The following ABAT variants were observed in gnomAD, a reference collection of about 807,000 sequenced individuals.
The protein encoded by ABAT is 4-aminobutyrate aminotransferase.
ABAT carries 45 observed loss-of-function variants against 64.6 expected under a neutral mutation model. The observed-to-expected ratio is 0.70, with a 90% CI of 0.55 to 0.89. ABAT has a LOEUF of 0.89. Among genes scored for constraint, ABAT ranks in the 40% least tolerant of loss-of-function variants. The pLI, the probability that ABAT is intolerant of heterozygous loss-of-function variation, is 0.00. For synonymous variants in ABAT, 297 were observed against 250.5 expected (o/e 1.19, Z -1.75); for missense variants, 633 against 658.4 (o/e 0.96, Z 0.42).
At chr16:8,720,323 C>G (rs770590260) in intron 1 of ABAT, among the ~76,000 whole-genome samples, 1 of 152,228 alleles carries the variant, frequency 6.6e-6, no homozygotes, top group African/African-American at 2.4e-5. Context: ...TATGGCCCAG[C>G]CACACTTTAG....
At chr16:8,774,118 G>A (rs1009025170) in intron 12 of ABAT, among the ~76,000 whole-genome samples, 7 of 152,066 alleles carry the variant, frequency 4.6e-5, no homozygotes, top group African/African-American at 1.4e-4. Flanking sequence ...CAGTAGAGAC[G>A]GGGTTTCGCC....
intron 5 of ABAT, among the ~76,000 whole-genome samples, chr16:8,756,231 G>A (rs970761203): frequency 1.3e-5 from 2 of 152,144 alleles, no homozygotes; most frequent in African/African-American, 4.8e-5. Flanking sequence ...AAGAAGAGGG[G>A]AGGGGAAGGA....
At position 8,776,348 on chromosome 16, in the gene ABAT, A is replaced by C. The variant is rs1567317509; in HGVS notation, c.1127A>C (p.Tyr376Ser). The C allele has an allele frequency of 4.3e-6, 7 of 1,614,084 alleles. No homozygotes were observed. Among genetic ancestry groups the C allele is most frequent in the Non-Finnish European group, 5.9e-6 (7 of 1,180,016 alleles). ...HKEEFRPNAPYRIFNTWLGDP... is the reference protein window; with the variant it reads ...HKEEFRPNAPSRIFNTWLGDP... ...AACACCCGTTCCTCATTCCAGCCCT[A>C]CCGGATCTTCAACACCTGGCTGGGG... The change falls in exon 14 of 16, where the codon TAC becomes TCC. Residue 376 changes from tyrosine (Y) to serine (S), a missense_variant. By Grantham distance (144) the Tyr-to-Ser change is moderately radical (BLOSUM62 -2). Coordinates refer to ENST00000268251, the MANE Select transcript of ABAT (RefSeq NM_020686.6). The surrounding 1 kb of genome is among the most constrained non-coding windows in gnomAD (Gnocchi z 4.4).
chr16:8,726,262 C>CTT lies in ABAT; in HGVS notation c.-41-9422_-41-9421dup, dbSNP rs71152921. Among the ~76,000 whole-genome samples the CTT allele has an allele frequency of 8.0e-4, 97 of 120,814 alleles. 3 individuals are homozygous for CTT. Among genetic ancestry groups the CTT allele is most frequent in the African/African-American group, 2.3e-3 (76 of 32,954 alleles). The allele number at this position is 120,814 out of a possible 152,430, so 79.3% of individuals were successfully genotyped here. A position where few individuals can be genotyped will look rare whatever the true frequency, so the allele number is the denominator to read the frequency against. On this transcript the variant is annotated intron_variant, in intron 1 of 15. Coordinates refer to ENST00000268251, the MANE Select transcript of ABAT (RefSeq NM_020686.6). ...TCCACGTTGTTGCAAATGACTAGAT[C>CTT]TTTTTTTTTTTTTTTTGAGATGGAG... is the stretch of plus-strand genomic sequence containing the variant.
intron 2 of ABAT, among the ~76,000 whole-genome samples, chr16:8,738,031 AGGAC>A (rs60164035): frequency 0.094 from 13,356 of 142,678 alleles, 1,525 homozygotes; most frequent in East Asian, 0.13. Context: ...GAAAGAAAGA[AGGAC>A]AGACAGACAA....
intron 2 of ABAT, among the ~76,000 whole-genome samples, chr16:8,740,003 C>T (rs1295167415): frequency 6.6e-6 from 1 of 150,966 alleles, no homozygotes; most frequent in East Asian, 1.9e-4. Context: ...TCGTACACTG[C>T]TATTAGGCAA....
chr16:8,766,066 G>A (rs2059933705), intron 8 of ABAT, 142 bp from the exon 9 acceptor site: 1 of 768,302 alleles, frequency 1.3e-6, no homozygotes, highest in Non-Finnish European at 2.3e-6. Context: ...TTTCAGTACA[G>A]ACCTGCAACA....
chr16:8,732,041 C>T (rs1026525399), intron 1 of ABAT, among the ~76,000 whole-genome samples: 3 of 151,862 alleles, frequency 2.0e-5, no homozygotes, highest in African/African-American at 4.8e-5. Flanking sequence ...TTGGTAGAGA[C>T]GGGGTTTCAC....
In ABAT at chr16:8,715,056, C is replaced by G. The variant is rs181432810; in HGVS notation, c.-41-20643C>G. 9 of 152,382 alleles carry G rather than the reference C, an allele frequency of 5.9e-5. No homozygotes were observed. The East Asian group carries it at 1.2e-3, about 20-fold the overall frequency. The allele number at this position is 152,382 out of a possible 1,614,324, so 9.4% of individuals were successfully genotyped here. ...GCTAACACTATACGCCCTCCTCTAC[C>G]TGCAGAAATCACTTGGACCCTCTGA... On this transcript the variant is annotated intron_variant, in intron 1 of 15. Coordinates refer to ENST00000268251, the MANE Select transcript of ABAT (RefSeq NM_020686.6).
At chr16:8,685,616 C>T (rs754952758) in intron 1 of ABAT, among the ~76,000 whole-genome samples, 1 of 152,102 alleles carries the variant, frequency 6.6e-6, no homozygotes, top group Non-Finnish European at 1.5e-5. Flanking sequence ...GCGGAGGTTG[C>T]AGTGAGCCAA....
intron 1 of ABAT, among the ~76,000 whole-genome samples, chr16:8,709,019 G>A (rs1229043151): frequency 6.6e-6 from 1 of 152,150 alleles, no homozygotes; most frequent in Non-Finnish European, 1.5e-5. Flanking sequence ...CTGAATGGGG[G>A]TGTGCCGTAA....
In ABAT at chr16:8,706,420, A is replaced by AAG. The variant is rs1555485293; in HGVS notation, c.-41-29278_-41-29277insGA. On this transcript the variant is annotated intron_variant, in intron 1 of 15. Transcript: ENST00000268251. The stretch of plus-strand genomic sequence containing the variant: ...ACCCTGTTTCAAAAAAAAAAAAAAA[A>AAG]AAAGAAAAGACCAGGCATGATGGCT... Among the ~76,000 whole-genome samples the AAG allele has an allele frequency of 8.6e-4, 127 of 148,152 alleles. 1 individual carries two copies. The highest frequency in any genetic ancestry group is 5.8e-3 in the South Asian group (27 of 4,662).
At chr16:8,755,109 A>T (rs1596458084) in intron 5 of ABAT, among the ~76,000 whole-genome samples, 1 of 151,928 alleles carries the variant, frequency 6.6e-6, no homozygotes, top group Non-Finnish European at 1.5e-5. Context: ...CTTTCCTGTA[A>T]GCCCAAGAAT....
chr16:8,727,150 C>A (rs1407678699), intron 1 of ABAT, among the ~76,000 whole-genome samples: 1 of 152,036 alleles, frequency 6.6e-6, no homozygotes, highest in Non-Finnish European at 1.5e-5. Flanking sequence ...GTTGCCTCTT[C>A]GCTTTGTTGG....
At chr16:8,696,625 A>G (rs1198849871) in intron 1 of ABAT, among the ~76,000 whole-genome samples, 1 of 152,194 alleles carries the variant, frequency 6.6e-6, no homozygotes, top group Non-Finnish European at 1.5e-5. Flanking sequence ...GTCTCAAAAA[A>G]AAATAAATAG....
intron 15 of ABAT, 32 bp downstream of exon 15, chr16:8,779,622 T>C: frequency 6.4e-7 from 1 of 1,572,394 alleles, no homozygotes; most frequent in Admixed American, 1.7e-5. Context: ...CTGAGTTTCA[T>C]GAGCATCCAG....
intron 2 of ABAT, among the ~76,000 whole-genome samples, chr16:8,742,319 C>T (rs1250663468): frequency 1.3e-5 from 2 of 152,176 alleles, no homozygotes; most frequent in African/African-American, 4.8e-5. Flanking sequence ...ACTCCGGTTC[C>T]CAAGAAATCT....
intron 1 of ABAT, among the ~76,000 whole-genome samples, chr16:8,721,137 T>C (rs2058357717): frequency 6.6e-6 from 1 of 152,166 alleles, no homozygotes; most frequent in Non-Finnish European, 1.5e-5. Flanking sequence ...CCTGAGGTTA[T>C]ACGGCGGGTC....
At position 8,783,812 on chromosome 16, in the gene ABAT, C is replaced by T. The variant is rs1054359914; in HGVS notation, c.*2382C>T. ...GAGAGGGGCTCCAATATTTCGTTCT[C>T]TCCCCATGGGGCACTGACAGAGAAA... is the stretch of plus-strand genomic sequence containing the variant. On this transcript the variant is annotated 3_prime_UTR_variant, in exon 16 of 16. Coordinates refer to ENST00000268251, the MANE Select transcript of ABAT (RefSeq NM_020686.6). 1.3e-5 allele frequency: 2 copies of T among 152,186 alleles called. No individual in the cohort carries two copies. Among genetic ancestry groups the T allele is most frequent in the African/African-American group, 2.4e-5 (1 of 41,448 alleles). The allele number at this position is 152,186 out of a possible 1,614,324, so 9.4% of individuals were successfully genotyped here. A position where few individuals can be genotyped will look rare whatever the true frequency, so the allele number is the denominator to read the frequency against.
Sources: allele counts gnomAD v4.1 joint callset (sites outside exome capture counted in the v4.1 genomes callset), GRCh38; gene constraint gnomAD v4.1.1; non-coding constraint Gnocchi (gnomAD v3.1); transcripts MANE v1.5; gene names NCBI Gene and HGNC (gene_info 2026-07-23, HGNC 2026-07-21).